Variants in NRG1 observed in about 807,000 individuals in gnomAD.
NRG1 encodes neuregulin 1, also known as pro-neuregulin-1, membrane-bound isoform.
Under a neutral mutation model 63.8 loss-of-function variants are expected in NRG1, and 18 were observed. The observed-to-expected ratio is 0.28, with a 90% CI of 0.19 to 0.42. The LOEUF (loss-of-function observed/expected upper bound fraction) is 0.42. Among genes scored for constraint, NRG1 ranks in the 10% least tolerant of loss-of-function variants. The pLI, the probability that NRG1 is intolerant of heterozygous loss-of-function variation, is 1.00. For missense variants in NRG1, 762 were observed against 814.7 expected (o/e 0.94, Z 0.79); for synonymous variants, 302 against 301.3 (o/e 1.00, Z -0.02).
intron 1 of NRG1, among the ~76,000 whole-genome samples, chr8:32,452,759 A>G (rs936553633): frequency 6.6e-6 from 1 of 152,208 alleles, no homozygotes; most frequent in Non-Finnish European, 1.5e-5. Flanking sequence ...TCTCTGAACC[A>G]TGTTCAATAT....
At chr8:32,233,433 A>G (rs1847169375) in intron 1 of NRG1, among the ~76,000 whole-genome samples, 1 of 151,364 alleles carries the variant, frequency 6.6e-6, no homozygotes, top group Non-Finnish European at 1.5e-5. Context: ...ATAAATACCA[A>G]TAATGTACTT....
intron 1 of NRG1, among the ~76,000 whole-genome samples, chr8:32,538,418 G>C (rs1832241082): frequency 6.6e-6 from 1 of 152,104 alleles, no homozygotes; most frequent in African/African-American, 2.4e-5. Flanking sequence ...CCCCATGATG[G>C]TTCATGAGAA....
intron 1 of NRG1, among the ~76,000 whole-genome samples, chr8:32,497,539 A>T (rs1325916413): frequency 6.6e-6 from 1 of 151,936 alleles, no homozygotes; most frequent in Non-Finnish European, 1.5e-5. Flanking sequence ...TAACTTACAG[A>T]TTGACATATT....
At chr8:31,868,324 T>A (rs1034920111) in intron 1 of NRG1, among the ~76,000 whole-genome samples, 4 of 152,144 alleles carry the variant, frequency 2.6e-5, no homozygotes, top group Non-Finnish European at 5.9e-5. Context: ...AGTCAACAAC[T>A]GAGGGAAACA....
intron 1 of NRG1, among the ~76,000 whole-genome samples, chr8:32,407,694 C>T (rs1032350968): frequency 2.6e-5 from 4 of 152,254 alleles, no homozygotes; most frequent in East Asian, 1.9e-4. Flanking sequence ...TACACAGCCT[C>T]GCTGAAAGTA....
At chr8:32,661,318 A>G (rs1449080983) in intron 5 of NRG1, among the ~76,000 whole-genome samples, 1 of 152,222 alleles carries the variant, frequency 6.6e-6, no homozygotes, top group Non-Finnish European at 1.5e-5. Context: ...CTGCAATGCT[A>G]TCATTTTACC....
At chr8:32,090,748 A>G (rs1308966161) in intron 1 of NRG1, among the ~76,000 whole-genome samples, 1 of 152,208 alleles carries the variant, frequency 6.6e-6, no homozygotes, top group Non-Finnish European at 1.5e-5. Flanking sequence ...ATGAAGTCAG[A>G]GGGAAATGAC....
chr8:31,852,701 T>C (rs1827377895), intron 1 of NRG1, among the ~76,000 whole-genome samples: 1 of 152,184 alleles, frequency 6.6e-6, no homozygotes, highest in Non-Finnish European at 1.5e-5. Flanking sequence ...ATGTCCTGAA[T>C]GGTAATGCCT....
chr8:32,329,699 C>T (rs181307838), intron 1 of NRG1, among the ~76,000 whole-genome samples: 71 of 151,962 alleles, frequency 4.7e-4, no homozygotes, highest in African/African-American at 1.7e-3. Context: ...ACTCTTTCAA[C>T]AGTAACATAT....
chr8:31,755,182 G>A (rs1165127565), intron 1 of NRG1, among the ~76,000 whole-genome samples: 1 of 152,040 alleles, frequency 6.6e-6, no homozygotes, highest in Non-Finnish European at 1.5e-5. Context: ...GGCTGCACAG[G>A]GAAGAGTGAC....
At chr8:32,596,683 CACA>C (rs1427539649) in intron 2 of NRG1, among the ~76,000 whole-genome samples, 4 of 151,756 alleles carry the variant, frequency 2.6e-5, no homozygotes, top group African/African-American at 7.3e-5. Flanking sequence ...CAGTTAAAAT[CACA>C]ACTTCATTGT....
chr8:31,859,410 T>G (rs1359795947), intron 1 of NRG1, among the ~76,000 whole-genome samples: 1 of 152,174 alleles, frequency 6.6e-6, no homozygotes, highest in Non-Finnish European at 1.5e-5. Context: ...TTCATCACAA[T>G]GTGATCTATA....
intron 1 of NRG1, among the ~76,000 whole-genome samples, chr8:32,475,600 TG>T (rs1824426135): frequency 6.6e-6 from 1 of 152,008 alleles, no homozygotes; most frequent in Non-Finnish European, 1.5e-5. Context: ...AGTGGCACAG[TG>T]GCATGACCAT....
chr8:32,541,934 T>C (rs1832617576), intron 1 of NRG1, among the ~76,000 whole-genome samples: 1 of 152,214 alleles, frequency 6.6e-6, no homozygotes, highest in Non-Finnish European at 1.5e-5. Flanking sequence ...TTATCACTAA[T>C]CTGTGAAGTG....
chr8:32,560,817 A>C (rs1438340291), intron 1 of NRG1, among the ~76,000 whole-genome samples: 1 of 152,230 alleles, frequency 6.6e-6, no homozygotes, highest in African/African-American at 2.4e-5. Flanking sequence ...GCAACTAAGA[A>C]ATGGATTAAG....
intron 1 of NRG1, among the ~76,000 whole-genome samples, chr8:31,808,906 A>AT (rs1822562569): frequency 6.6e-6 from 1 of 151,672 alleles, no homozygotes; most frequent in Non-Finnish European, 1.5e-5. Context: ...TTCTTGGGTA[A>AT]TTTTTTGTTT....
At chr8:32,136,932 C>T (rs939011244) in intron 1 of NRG1, among the ~76,000 whole-genome samples, 5 of 152,124 alleles carry the variant, frequency 3.3e-5, no homozygotes, top group African/African-American at 1.2e-4. Flanking sequence ...CGATCAACAA[C>T]ACTTAATTAA....
chr8:32,080,566 A>G (rs1827289349), intron 1 of NRG1, among the ~76,000 whole-genome samples: 1 of 152,198 alleles, frequency 6.6e-6, no homozygotes, highest in African/African-American at 2.4e-5. Flanking sequence ...ACTAATCTAT[A>G]TAAGAGAGGC....
intron 1 of NRG1, among the ~76,000 whole-genome samples, chr8:31,796,081 A>G (rs998219788): frequency 2.0e-4 from 31 of 152,246 alleles, no homozygotes; most frequent in African/African-American, 6.3e-4. Flanking sequence ...AAAATTTTGA[A>G]TAAGAAAAAT....
Sources: allele counts gnomAD v4.1 joint callset (sites outside exome capture counted in the v4.1 genomes callset), GRCh38; gene constraint gnomAD v4.1.1; transcripts MANE v1.5; gene names NCBI Gene and HGNC (gene_info 2026-07-23, HGNC 2026-07-21).